Variants in HEXB observed in about 807,000 individuals in gnomAD.
HEXB encodes hexosaminidase subunit beta.
In HEXB, 51 loss-of-function variants were observed where a neutral mutation model predicts 71.2. The ratio of observed to expected loss-of-function variants is 0.72; its 90% CI spans 0.57 to 0.90. HEXB has a LOEUF of 0.90. Among genes scored for constraint, HEXB ranks in the 40% least tolerant of loss-of-function variants. HEXB has a pLI of 0.00. For synonymous variants in HEXB, 266 were observed against 249.3 expected, an observed-to-expected ratio of 1.07 and a Z score of -0.63; for missense variants, 617 against 677.0, an observed-to-expected ratio of 0.91 and a Z score of 0.98.
chr5:74,694,973 A>C (rs1319190651), intron 3 of HEXB, among the ~76,000 whole-genome samples: 2 of 152,146 alleles, frequency 1.3e-5, no homozygotes, highest in Non-Finnish European at 2.9e-5. Flanking sequence ...CCATCTCAAA[A>C]AACAAAATAA....
intron 1 of HEXB, among the ~76,000 whole-genome samples, chr5:74,675,336 G>A (rs1312282567): frequency 6.6e-6 from 1 of 152,134 alleles, no homozygotes; most frequent in Admixed American, 6.5e-5. Flanking sequence ...ACTGGGCTAT[G>A]GAGGTCCAGG....
At chr5:74,704,223 C>T (rs1249889418) in intron 5 of HEXB, among the ~76,000 whole-genome samples, 2 of 152,144 alleles carry the variant, frequency 1.3e-5, no homozygotes, top group Non-Finnish European at 2.9e-5. Context: ...AGAGTGAAAA[C>T]CCTCCTTTTA....
chr5:74,696,886 T>C, intron 4 of HEXB, 110 bp from the exon 5 acceptor site: 3 of 763,396 alleles, frequency 3.9e-6, no homozygotes, highest in Non-Finnish European at 6.8e-6. Context: ...TACATTTTTG[T>C]TGTTCTAAAT....
rs374665376 is a variant in HEXB at position 74,696,978 on chromosome 5, A to T, written c.559-18A>T. ...ACAGAAAATTCTAAAACTAAATCAA[A>T]ATTTTATTTTGTCATAGTTCACCAT... On this transcript the variant is annotated intron_variant, in intron 4 of 13. Transcript: ENST00000261416. 21 of 1,333,538 alleles carry T rather than the reference A, an allele frequency of 1.6e-5. No homozygotes were observed. The highest frequency in any genetic ancestry group is 1.9e-5 in the Non-Finnish European group (18 of 927,004). The allele number at this position is 1,333,538 out of a possible 1,614,324, so 82.6% of individuals were successfully genotyped here. A position where few individuals can be genotyped will look rare whatever the true frequency, so the allele number is the denominator to read the frequency against.
At position 74,716,603 on chromosome 5, in the gene HEXB, A is replaced by C. The variant is rs1363459930; in HGVS notation, c.1099A>C (p.Ile367Leu). 3 of 1,607,840 alleles carry C rather than the reference A, an allele frequency of 1.9e-6. No homozygotes were observed. Among genetic ancestry groups the C allele is most frequent in the South Asian group, 2.2e-5 (2 of 90,660 alleles). The part of the protein sequence containing the change: ...EFKCWESNPK[I>L]QDFMRQKGFG... ...TTGCTTCAGGGAATCAAATCCAAAA[A>C]TTCAAGATTTCATGAGGCAAAAAGG... The change falls in exon 9 of 14, where the codon ATT becomes CTT. Residue 367 changes from isoleucine (I) to leucine (L), a missense_variant. By Grantham distance (5) the Ile-to-Leu change is conservative (BLOSUM62 2). Coordinates refer to ENST00000261416, the MANE Select transcript of HEXB (RefSeq NM_000521.4).
upstream of HEXB, chr5:74,685,224 C>T (rs1404181784): frequency 6.8e-7 from 1 of 1,475,644 alleles, no homozygotes; most frequent in Non-Finnish European, 8.9e-7. Context: ...CCCGAGGCTC[C>T]GGCTCGGCAG....
intron 1 of HEXB, among the ~76,000 whole-genome samples, chr5:74,661,545 GTGTGTGTGTGTGTGTGTGTCTCTC>G (rs1276253552): frequency 9.1e-5 from 8 of 87,786 alleles, no homozygotes; most frequent in Admixed American, 1.2e-4. Context: ...GTGTGTGTGT[GTGTGTGTGTGTGTGTGTGTCTCTC>G]TCTCTCTCTC....
rs1561225896 is a variant in HEXB at position 74,713,558 on chromosome 5, TTGAA to T, written c.826_829del (p.Glu276MetfsTer30). The T allele has an allele frequency of 6.2e-7, 1 of 1,611,580 alleles. No homozygotes were observed. The highest frequency in any genetic ancestry group is 1.3e-5 in the African/African-American group (1 of 75,002). ...ACACCAAATGATGTCCGTATGGTGA[TTGAA>T]TATGCCAGATTACGAGGAATTCGAG... On this transcript the variant is annotated frameshift_variant, in exon 7 of 14. Transcript: ENST00000261416. LOFTEE classifies it high-confidence loss of function.
At chr5:74,642,034 G>C (rs1747905394) in intron 1 of HEXB, among the ~76,000 whole-genome samples, 1 of 152,242 alleles carries the variant, frequency 6.6e-6, no homozygotes, top group African/African-American at 2.4e-5. Context: ...AAAACACTAG[G>C]CGCAGGAGCG....
intron 1 of HEXB, among the ~76,000 whole-genome samples, chr5:74,646,288 A>G (rs1312179665): frequency 6.6e-6 from 1 of 152,176 alleles, no homozygotes; most frequent in African/African-American, 2.4e-5. Context: ...TAACTCTCCT[A>G]AATAAAAGTG....
upstream of HEXB, among the ~76,000 whole-genome samples, chr5:74,684,291 G>A (rs1291872450): frequency 6.6e-6 from 1 of 152,110 alleles, no homozygotes; most frequent in Non-Finnish European, 1.5e-5. Flanking sequence ...GACTTCACTG[G>A]CTCTTCCTTA....
chr5:74,663,201 G>A (rs1748361663), intron 1 of HEXB, among the ~76,000 whole-genome samples: 2 of 149,942 alleles, frequency 1.3e-5, no homozygotes, highest in African/African-American at 4.9e-5. Context: ...TGGGGGGGTG[G>A]AGTGCGGTGG....
At chr5:74,679,188 T>C (rs1387828090) in intron 1 of HEXB, among the ~76,000 whole-genome samples, 1 of 152,050 alleles carries the variant, frequency 6.6e-6, no homozygotes, top group Middle Eastern at 3.2e-3. Flanking sequence ...AATATGGGAG[T>C]GATTTTGGAA....
intron 1 of HEXB, among the ~76,000 whole-genome samples, chr5:74,642,082 A>G (rs1334107128): frequency 6.6e-6 from 1 of 152,242 alleles, no homozygotes; most frequent in Non-Finnish European, 1.5e-5. Flanking sequence ...TGGCGCTTCC[A>G]GAGTCCAGAC....
chr5:74,715,539 A>C lies in HEXB; in HGVS notation c.931A>C (p.Ser311Arg). ...GAAAGACCTCCTGACTCCATGTTACAGTAGACAAAACAAGTTGGACTCTTT... is the reference window on the plus strand; with the variant it reads ...GAAAGACCTCCTGACTCCATGTTACCGTAGACAAAACAAGTTGGACTCTTT... ...GQKDLLTPCY[S>R]RQNKLDSFGP... The change falls in exon 8 of 14, where the codon AGT becomes CGT. Residue 311 changes from serine to arginine, a missense_variant. Ser to Arg is a moderately radical substitution (Grantham distance 110). Coordinates refer to ENST00000261416, the MANE Select transcript of HEXB (RefSeq NM_000521.4). The C allele has an allele frequency of 6.2e-7, 1 of 1,612,276 alleles. No individual in the cohort carries two copies.
chr5:74,712,280 G>C (rs1409908264), intron 6 of HEXB, among the ~76,000 whole-genome samples: 1 of 141,672 alleles, frequency 7.1e-6, no homozygotes, highest in Non-Finnish European at 1.5e-5. Context: ...GGGGACTGTT[G>C]TGGGGTGGGG....
chr5:74,715,381 TA>T, intron 7 of HEXB, 128 bp from the exon 8 acceptor site: 1 of 688,636 alleles, frequency 1.5e-6, no homozygotes. Context: ...TAGCTCTTAG[TA>T]AACATGTTCA....
At chr5:74,645,889 A>G (rs911038678) in intron 1 of HEXB, among the ~76,000 whole-genome samples, 7 of 152,214 alleles carry the variant, frequency 4.6e-5, no homozygotes, top group Non-Finnish European at 7.3e-5. Context: ...CCGCAAACCT[A>G]TCACTTGGAG....
At chr5:74,680,868 G>C (rs993777664), upstream of HEXB, among the ~76,000 whole-genome samples, 1 of 152,168 alleles carries the variant, frequency 6.6e-6, no homozygotes, top group Non-Finnish European at 1.5e-5. Flanking sequence ...TTAAGCAATG[G>C]TGTTACATGT....
Sources: allele counts gnomAD v4.1 joint callset (sites outside exome capture counted in the v4.1 genomes callset), GRCh38; gene constraint gnomAD v4.1.1; transcripts MANE v1.5; gene names NCBI Gene and HGNC (gene_info 2026-07-23, HGNC 2026-07-21).